The following ADAM2 variants were observed in gnomAD, a reference collection of about 807,000 sequenced individuals.
The protein encoded by ADAM2 is ADAM metallopeptidase domain 2.
A neutral mutation model predicts 99.3 loss-of-function variants in ADAM2; 101 were observed. That is an observed-to-expected ratio of 1.02 (90% CI 0.87 to 1.20). ADAM2 has a LOEUF of 1.20. ADAM2 is among the 50% of genes most tolerant of loss of function. The probability of loss-of-function intolerance (pLI) is 0.00; values close to 1 mark genes in which losing one functional copy is unlikely to be tolerated. For synonymous variants in ADAM2, 323 were observed against 287.6 expected (o/e 1.12, Z -1.25); for missense variants, 948 against 878.7 (o/e 1.08, Z -1.00).
intron 6 of ADAM2, among the ~76,000 whole-genome samples, chr8:39,818,341 T>G (rs1426313901): frequency 6.6e-6 from 1 of 152,052 alleles, no homozygotes; most frequent in Non-Finnish European, 1.5e-5. Context: ...TCAACATACG[T>G]TGCAGAACAA....
intron 15 of ADAM2, among the ~76,000 whole-genome samples, chr8:39,758,089 T>C (rs1318409842): frequency 1.3e-5 from 2 of 152,230 alleles, no homozygotes; most frequent in Non-Finnish European, 2.9e-5. Context: ...ATGTACTTTA[T>C]GGCACTTAAT....
At chr8:39,776,872 A>C (rs1475797926) in intron 11 of ADAM2, among the ~76,000 whole-genome samples, 153 bp downstream of exon 11, 1 of 152,130 alleles carries the variant, frequency 6.6e-6, no homozygotes, top group Non-Finnish European at 1.5e-5. Flanking sequence ...TGAGATAAAT[A>C]TGCATCGTGG....
intron 14 of ADAM2, among the ~76,000 whole-genome samples, chr8:39,766,642 G>C (rs1802576233): frequency 1.3e-5 from 2 of 151,890 alleles, no homozygotes; most frequent in South Asian, 4.2e-4. Flanking sequence ...ACCTGATCTT[G>C]GGTGATCTGC....
chr8:39,799,005 A>T (rs980571037), intron 7 of ADAM2, among the ~76,000 whole-genome samples: 1 of 151,768 alleles, frequency 6.6e-6, no homozygotes, highest in Non-Finnish European at 1.5e-5. Context: ...GGATTCATTG[A>T]TTTTTTTGGA....
chr8:39,788,693 G>C lies in ADAM2; in HGVS notation c.618C>G (p.Phe206Leu). Residue 206 changes from phenylalanine to leucine, a missense_variant, in exon 8 of 21, where the codon TTC becomes TTG. Coordinates refer to ENST00000265708, the MANE Select transcript of ADAM2 (RefSeq NM_001464.5). ...CAGCATTCGTCAATCCAATCAACTG[G>C]AAAACTTTTTGAGCGACAACAGTTG... The part of the protein sequence containing the change: ...SDTTVVAQKV[F>L]QLIGLTNAIF... 1 of 1,582,326 alleles carries C rather than the reference G, an allele frequency of 6.3e-7. No homozygotes were observed. Among genetic ancestry groups the C allele is most frequent in the Non-Finnish European group, 8.6e-7 (1 of 1,162,436 alleles).
Position 39,833,990 on chromosome 8 carries a change from T to G in ADAM2, c.142A>C (p.Lys48Gln). 6.3e-7 allele frequency: 1 copy of G among 1,574,804 alleles called. No homozygotes were observed. The highest frequency in any genetic ancestry group is 8.7e-7 in the Non-Finnish European group (1 of 1,147,698). Residue 48 changes from lysine (K) to glutamine (Q), a missense_variant, in exon 3 of 21, where the codon AAA (lysine) becomes CAA (glutamine). Coordinates refer to ENST00000265708, the MANE Select transcript of ADAM2 (RefSeq NM_001464.5). Reference protein sequence around the residue: ...KEGIESQASYKIVIEGKPYTV... With the variant: ...KEGIESQASYQIVIEGKPYTV... ...TATGGTTTCCCTTCAATTACAATTTTGTAGGATGCCTGGCAGGAGAGCACA... is the reference window on the plus strand; with the variant it reads ...TATGGTTTCCCTTCAATTACAATTTGGTAGGATGCCTGGCAGGAGAGCACA...
At chr8:39,761,125 C>A in intron 15 of ADAM2, 51 bp downstream of exon 15, 2 of 1,158,548 alleles carry the variant, frequency 1.7e-6, no homozygotes, top group East Asian at 2.6e-5. Flanking sequence ...ATGGTATTTT[C>A]AAATATAAGG....
At chr8:39,832,324 G>A (rs1010373196) in intron 3 of ADAM2, among the ~76,000 whole-genome samples, 11 of 152,164 alleles carry the variant, frequency 7.2e-5, no homozygotes, top group Non-Finnish European at 1.2e-4. Flanking sequence ...TGTTGGCCAT[G>A]CCTGAAACTA....
chr8:39,762,046 T>C (rs576669485), intron 14 of ADAM2, among the ~76,000 whole-genome samples: 1 of 152,288 alleles, frequency 6.6e-6, no homozygotes, highest in African/African-American at 2.4e-5. Context: ...ATCGCGCCAT[T>C]GCACTCCAGC....
chr8:39,790,802 A>G (rs1054644618), intron 7 of ADAM2, among the ~76,000 whole-genome samples: 4 of 151,990 alleles, frequency 2.6e-5, no homozygotes, highest in African/African-American at 9.7e-5. Flanking sequence ...CTCCACTATA[A>G]GCAGGTTCTA....
chr8:39,776,234 T>G (rs998926072), intron 11 of ADAM2, among the ~76,000 whole-genome samples: 5 of 152,122 alleles, frequency 3.3e-5, no homozygotes, highest in Non-Finnish European at 7.4e-5. Context: ...CTAAAGCCAC[T>G]CTGGGGTAAC....
chr8:39,769,376 C>A lies in ADAM2; in HGVS notation c.1212+16G>T, dbSNP rs765013155. 1 of 1,582,936 alleles carries A rather than the reference C, an allele frequency of 6.3e-7. No homozygotes were observed. Among genetic ancestry groups the A allele is most frequent in the Non-Finnish European group, 8.6e-7 (1 of 1,159,652 alleles). On this transcript the variant is annotated intron_variant, in intron 12 of 20. Transcript: ENST00000265708. Reference sequence around the variant, plus strand: ...TGCTGCAATTTCAGTGCGTAGTCTTCCGAATTAGTACCAACCTGTTCAGTC... The same window carrying A: ...TGCTGCAATTTCAGTGCGTAGTCTTACGAATTAGTACCAACCTGTTCAGTC...
chr8:39,768,442 T>C (rs1802652217), intron 12 of ADAM2, among the ~76,000 whole-genome samples: 1 of 152,174 alleles, frequency 6.6e-6, no homozygotes, highest in Admixed American at 6.6e-5. Context: ...TTTCATTCCC[T>C]TTATCTCTGC....
Position 39,833,943 on chromosome 8 carries a change from CT to C in ADAM2, c.188del (p.Asn64ThrfsTer18). The C allele has an allele frequency of 6.7e-7, 1 of 1,497,874 alleles. No individual in the cohort carries two copies. Among genetic ancestry groups the C allele is most frequent in the Non-Finnish European group, 9.3e-7 (1 of 1,078,058 alleles). 92.8% of individuals were successfully genotyped at this position (1,497,874 alleles called of 1,614,324 possible). A position where few individuals can be genotyped will look rare whatever the true frequency, so the allele number is the denominator to read the frequency against. On this transcript the variant is annotated frameshift_variant and splice_region_variant, in exon 3 of 21. Coordinates refer to ENST00000265708, the MANE Select transcript of ADAM2 (RefSeq NM_001464.5). LOFTEE classifies it high-confidence loss of function. ...TTGATAAAATAATGATGATTACCTA[CT>C]TTTGCATTAAATTCACAGTATATGG... Reference protein sequence around the residue: ...GKPYTVNLMQKNFLPHNFRVY... With the variant: ...GKPYTVNLMQXNFLPHNFRVY...
At chr8:39,760,828 T>G (rs1360114187) in intron 15 of ADAM2, among the ~76,000 whole-genome samples, 1 of 120,738 alleles carries the variant, frequency 8.3e-6, no homozygotes, top group Non-Finnish European at 1.6e-5. Context: ...TTGTAAAAAT[T>G]AAAGTAATAG....
At chr8:39,755,369 T>C (rs1195101397) in intron 16 of ADAM2, among the ~76,000 whole-genome samples, 1 of 152,226 alleles carries the variant, frequency 6.6e-6, no homozygotes, top group Non-Finnish European at 1.5e-5. Flanking sequence ...ATACTAATTA[T>C]GTATCATTTA....
At position 39,745,109 on chromosome 8, in the gene ADAM2, G is replaced by T. The variant is rs571104726; in HGVS notation, c.2175-216C>A. Among the ~76,000 whole-genome samples, 13 of 152,132 alleles carry T rather than the reference G, an allele frequency of 8.5e-5. No individual in the cohort carries two copies. In the East Asian group the frequency reaches 2.3e-3, roughly 27 times the overall value. On this transcript the variant is annotated intron_variant, in intron 19 of 20. Coordinates refer to ENST00000265708, the MANE Select transcript of ADAM2 (RefSeq NM_001464.5). ...TCAGTGAATATGAAAAAAAAGCACA[G>T]TGATATATGTTTACCCGAAAAGAAA...
intron 6 of ADAM2, among the ~76,000 whole-genome samples, chr8:39,809,932 A>G (rs1318017217): frequency 1.3e-5 from 2 of 152,332 alleles, no homozygotes; most frequent in Middle Eastern, 3.4e-3. Flanking sequence ...ACACATAACA[A>G]TATTAACCTT....
At chr8:39,824,050 A>C (rs1401461038) in intron 4 of ADAM2, among the ~76,000 whole-genome samples, 1 of 152,098 alleles carries the variant, frequency 6.6e-6, no homozygotes, top group African/African-American at 2.4e-5. Flanking sequence ...TTGGGAGGCC[A>C]AGGCAGGTGG....
Sources: gnomAD v4.1 joint callset for allele counts (sites outside exome capture counted in the v4.1 genomes callset) on GRCh38, gnomAD v4.1.1 for gene constraint, MANE v1.5 for transcripts, NCBI Gene and HGNC (gene_info 2026-07-23, HGNC 2026-07-21) for gene names.